LINC00632: variants seen among roughly 807,000 people sequenced by gnomAD.
The protein encoded by LINC00632 is long independently transcribed non-coding RNA 632, also known as ALDOA related specific transcript.
chrX:140,735,462 A>G (rs1264226868), intron 3 of LINC00632, among the ~76,000 whole-genome samples: 1 of 112,008 alleles, frequency 8.9e-6, no homozygotes, highest in Non-Finnish European at 1.9e-5. Context: ...CATTTGAGGC[A>G]TTATTTAAAA....
Position 140,722,295 on chromosome X carries a change from C to G in LINC00632, n.104+10639C>G, listed in dbSNP as rs138289924. ...ACACGCACACTGTCCCCACAAACAC[C>G]TTTTTGGTGTCAAGAAGAAAAAGAC... On this transcript the variant is annotated intron_variant and non_coding_transcript_variant, in intron 2 of 4. Transcript: ENST00000648200. 1.9e-3 allele frequency among the ~76,000 whole-genome samples: 204 copies of G among 108,997 alleles called. 2 individuals are homozygous for G. The East Asian group carries it at 0.049, about 26-fold the overall frequency. 94.7% of individuals were successfully genotyped at this position (108,997 alleles called of 115,157 possible).
intron 3 of LINC00632, among the ~76,000 whole-genome samples, chrX:140,748,245 T>A (rs987802548): frequency 8.9e-6 from 1 of 112,258 alleles, no homozygotes; most frequent in Non-Finnish European, 1.9e-5. Flanking sequence ...TATAAAATAT[T>A]AACTTCCACC....
intron 3 of LINC00632, among the ~76,000 whole-genome samples, chrX:140,752,331 G>A (rs1931422556): frequency 9.0e-6 from 1 of 111,730 alleles, no homozygotes; most frequent in Admixed American, 9.5e-5. Context: ...GTTTTGTGAG[G>A]AAGGGCCTGT....
exon 5 of LINC00632, among the ~76,000 whole-genome samples, chrX:140,791,319 T>G (rs1278915740): frequency 8.9e-6 from 1 of 112,265 alleles, no homozygotes; most frequent in Non-Finnish European, 1.9e-5. Flanking sequence ...TGTTGAGCTA[T>G]TCTTAGATTC....
chrX:140,740,894 C>T (rs1158509706), intron 3 of LINC00632, among the ~76,000 whole-genome samples: 1 of 112,229 alleles, frequency 8.9e-6, no homozygotes, highest in Non-Finnish European at 1.9e-5. Flanking sequence ...AAGCATTCCT[C>T]ATGTGCACTG....
chrX:140,769,316 T>A (rs1443286426), intron 3 of LINC00632, among the ~76,000 whole-genome samples: 2 of 111,779 alleles, frequency 1.8e-5, no homozygotes, highest in South Asian at 3.8e-4. Flanking sequence ...TGCTCCTTCA[T>A]CTACATTTGC....
chrX:140,720,081 C>T (rs1930702316), intron 2 of LINC00632, among the ~76,000 whole-genome samples: 1 of 101,586 alleles, frequency 9.8e-6, no homozygotes, highest in Admixed American at 1.1e-4. Flanking sequence ...AGCAAGACTC[C>T]GTCTCAAAAA....
rs774170918 is a variant in LINC00632 at position 140,742,907 on chromosome X, A to AAAGG, written n.191+8945_191+8946insGGAA. Reference sequence around the variant, plus strand: ...AGGAAGGAAGGAAGGAAAGGAAAGGAAAAGGGAAAGGGAAAGGGAAAAGAA... The same window carrying AAAGG: ...AGGAAGGAAGGAAGGAAAGGAAAGGAAAGGAAAGGGAAAGGGAAAGGGAAAAGAA... On this transcript the variant is annotated intron_variant and non_coding_transcript_variant, in intron 3 of 4. Transcript: ENST00000648200. Among the ~76,000 whole-genome samples the AAAGG allele has an allele frequency of 3.8e-3, 389 of 103,690 alleles. 4 individuals carry two copies. Among genetic ancestry groups the AAAGG allele is most frequent in the African/African-American group, 0.014 (372 of 27,341 alleles). The allele number at this position is 103,690 out of a possible 115,157, so 90.0% of individuals were successfully genotyped here. A position where few individuals can be genotyped will look rare whatever the true frequency, so the allele number is the denominator to read the frequency against.
At chrX:140,785,244 C>G (rs1402562490) in exon 5 of LINC00632, among the ~76,000 whole-genome samples, 1 of 110,705 alleles carries the variant, frequency 9.0e-6, no homozygotes, top group Non-Finnish European at 1.9e-5. Context: ...TTGCTACATC[C>G]AGGCACTGTT....
Position 140,765,383 on chromosome X carries a change from T to C in LINC00632, n.192-6695T>C, listed in dbSNP as rs181043349. On this transcript the variant is annotated intron_variant and non_coding_transcript_variant, in intron 3 of 4. Coordinates refer to ENST00000648200, the Ensembl canonical transcript of LINC00632. ...CCGCCCCAAGTTGCAAAGCTTTGCATTGGAACCGCCCGATCCCCACAGAAG... is the reference window on the plus strand; with the variant it reads ...CCGCCCCAAGTTGCAAAGCTTTGCACTGGAACCGCCCGATCCCCACAGAAG... Among the ~76,000 whole-genome samples the C allele has an allele frequency of 1.7e-4, 19 of 111,735 alleles. No homozygotes were observed. In the East Asian group the frequency reaches 5.1e-3, roughly 30 times the overall value.
intron 3 of LINC00632, among the ~76,000 whole-genome samples, chrX:140,771,646 T>C (rs181131718): frequency 7.1e-5 from 6 of 84,583 alleles, no homozygotes; most frequent in South Asian, 6.2e-4. Flanking sequence ...CACACACACA[T>C]ACATATATGT....
chrX:140,772,505 A>G (rs1452581484), exon 4 of LINC00632: 3 of 292,699 alleles, frequency 1.0e-5, no homozygotes, highest in Non-Finnish European at 1.8e-5. Context: ...GCAAAAGAAC[A>G]AGGAGAGGGA....
At chrX:140,784,167 A>G in exon 5 of LINC00632, 1 of 1,209,968 alleles carries the variant, frequency 8.3e-7, no homozygotes. Context: ...CGAAAAATCC[A>G]GGTCTTCCAG....
chrX:140,721,765 C>T (rs1478613432), intron 2 of LINC00632, among the ~76,000 whole-genome samples: 1 of 111,122 alleles, frequency 9.0e-6, no homozygotes, highest in Non-Finnish European at 1.9e-5. Flanking sequence ...TTAAGACACA[C>T]CTTAGACCAC....
At chrX:140,744,581 G>C (rs1217498234) in intron 3 of LINC00632, among the ~76,000 whole-genome samples, 9 of 76,744 alleles carry the variant, frequency 1.2e-4, no homozygotes, top group Admixed American at 7.7e-4. Context: ...GGGGGGGGTG[G>C]GGGGAGGAGA....
exon 5 of LINC00632, among the ~76,000 whole-genome samples, chrX:140,789,642 G>A (rs142025378): frequency 0.11 from 12,633 of 111,726 alleles, 688 homozygotes; most frequent in Non-Finnish European, 0.17. Context: ...ACTTTTGTCA[G>A]TATTTTGGAT....
chrX:140,720,474 C>T (rs1396503380), intron 2 of LINC00632, among the ~76,000 whole-genome samples: 5 of 111,405 alleles, frequency 4.5e-5, no homozygotes, highest in African/African-American at 9.8e-5. Flanking sequence ...CCTACATATA[C>T]AAATCCTTCC....
intron 2 of LINC00632, among the ~76,000 whole-genome samples, chrX:140,730,650 T>C (rs1342186047): frequency 9.0e-6 from 1 of 111,353 alleles, no homozygotes. Context: ...CCACAACGCA[T>C]AGACTTGCCC....
At chrX:140,750,658 G>A (rs1931398006) in intron 3 of LINC00632, among the ~76,000 whole-genome samples, 1 of 110,852 alleles carries the variant, frequency 9.0e-6, no homozygotes, top group Admixed American at 9.6e-5. Flanking sequence ...TGGGGTACAG[G>A]TGGTTTTTGG....
Sources: allele counts gnomAD v4.1 joint callset (sites outside exome capture counted in the v4.1 genomes callset), GRCh38; gene constraint gnomAD v4.1.1; transcripts MANE v1.5; gene names NCBI Gene and HGNC (gene_info 2026-07-23, HGNC 2026-07-21).